The following FYB2 variants were observed in gnomAD, a reference collection of about 807,000 sequenced individuals.
FYB2 encodes the protein FYN-binding protein 2.
Under a neutral mutation model 94.1 loss-of-function variants are expected in FYB2, and 103 were observed. The observed-to-expected ratio is 1.09, with a 90% CI of 0.93 to 1.29. The LOEUF is 1.29. Ranked by LOEUF, FYB2 falls within the 50% of genes most tolerant of loss-of-function variation. FYB2 has a pLI of 0.00. For missense variants in FYB2, 896 were observed against 841.5 expected (o/e 1.06, Z -0.80); for synonymous variants, 293 against 287.9 (o/e 1.02, Z -0.18).
intron 1 of FYB2, among the ~76,000 whole-genome samples, chr1:56,803,694 G>T (rs1316459203): frequency 6.6e-6 from 1 of 152,096 alleles, no homozygotes; most frequent in East Asian, 1.9e-4. Flanking sequence ...CCTTGATCTG[G>T]TCCCAAACCG....
At chr1:56,738,701 T>G in intron 13 of FYB2, 48 bp from the exon 14 acceptor site, 3 of 1,581,622 alleles carry the variant, frequency 1.9e-6, no homozygotes, top group African/African-American at 1.4e-5. Flanking sequence ...AAAACCATGT[T>G]TGGAAAGATG....
At chr1:56,782,049 G>A (rs182860565) in intron 4 of FYB2, among the ~76,000 whole-genome samples, 2 of 152,114 alleles carry the variant, frequency 1.3e-5, no homozygotes, top group East Asian at 3.9e-4. Context: ...TAATACATTC[G>A]TACGATGTGT....
intron 9 of FYB2, among the ~76,000 whole-genome samples, chr1:56,749,395 A>T (rs1392683537): frequency 6.6e-6 from 1 of 151,722 alleles, no homozygotes; most frequent in East Asian, 1.9e-4. Context: ...TTTTAAAATC[A>T]TTTTTCCCTA....
At chr1:56,804,187 G>A (rs1646584860) in intron 1 of FYB2, among the ~76,000 whole-genome samples, 1 of 152,170 alleles carries the variant, frequency 6.6e-6, no homozygotes. Context: ...TCAAGTAGAT[G>A]CTTCATCTGC....
chr1:56,789,861 A>G (rs558717757), intron 2 of FYB2, among the ~76,000 whole-genome samples: 4 of 152,308 alleles, frequency 2.6e-5, no homozygotes, highest in African/African-American at 9.6e-5. Flanking sequence ...AGCACTTATG[A>G]CATGCAAATA....
intron 4 of FYB2, among the ~76,000 whole-genome samples, chr1:56,777,606 T>C (rs1044901512): frequency 6.6e-6 from 1 of 152,176 alleles, no homozygotes; most frequent in African/African-American, 2.4e-5. Flanking sequence ...AAGTCCATTC[T>C]ATTCTTCAGC....
chr1:56,822,877 CAGAGTT>C (rs997824471), upstream of FYB2, among the ~76,000 whole-genome samples: 1 of 150,970 alleles, frequency 6.6e-6, no homozygotes, highest in Non-Finnish European at 1.5e-5. Flanking sequence ...GATTGATTGT[CAGAGTT>C]AGGCTGGTGC....
In FYB2 at chr1:56,788,302, G is replaced by A. The variant is rs114286987; in HGVS notation, c.919+671C>T. Among the ~76,000 whole-genome samples, 651 of 152,328 alleles carry A rather than the reference G, an allele frequency of 4.3e-3. 2 individuals carry two copies. Among genetic ancestry groups the A allele is most frequent in the African/African-American group, 0.015 (615 of 41,566 alleles). ...GATGGCCACAGTAAAACAAATGTTA[G>A]CACAGCAGTACATTTTGTCCCAAAG... On this transcript the variant is annotated intron_variant, in intron 3 of 19. Transcript: ENST00000343433.
At chr1:56,812,020 G>A (rs1013709140) in intron 1 of FYB2, among the ~76,000 whole-genome samples, 1 of 152,078 alleles carries the variant, frequency 6.6e-6, no homozygotes, top group Non-Finnish European at 1.5e-5. Context: ...AGGGTAGAGG[G>A]CTCAGAAAGT....
At chr1:56,820,210 G>C (rs959022956), upstream of FYB2, among the ~76,000 whole-genome samples, 1 of 142,652 alleles carries the variant, frequency 7.0e-6, no homozygotes, top group African/African-American at 2.7e-5. Flanking sequence ...CAGGGGGACA[G>C]AGTGAGACTC....
At chr1:56,822,893 C>T (rs6588653), upstream of FYB2, among the ~76,000 whole-genome samples, 35,571 of 150,782 alleles carry the variant, frequency 0.24, 4,373 homozygotes, top group Middle Eastern at 0.29. Context: ...TAGGCTGGTG[C>T]TGCTAGAGTA....
At chr1:56,771,668 T>A (rs1202413012) in intron 4 of FYB2, among the ~76,000 whole-genome samples, 1 of 152,156 alleles carries the variant, frequency 6.6e-6, no homozygotes, top group East Asian at 1.9e-4. Context: ...TTCAGCTGCA[T>A]CACAACTACA....
intron 1 of FYB2, among the ~76,000 whole-genome samples, chr1:56,799,366 T>G (rs1557661776): frequency 6.6e-6 from 1 of 152,184 alleles, no homozygotes; most frequent in Non-Finnish European, 1.5e-5. Flanking sequence ...TCACATTTAC[T>G]TTAGAGATTA....
At chr1:56,769,543 C>A (rs1645705128) in intron 4 of FYB2, among the ~76,000 whole-genome samples, 1 of 151,806 alleles carries the variant, frequency 6.6e-6, no homozygotes, top group Non-Finnish European at 1.5e-5. Context: ...TATTATTTTC[C>A]ATAATAATAA....
Position 56,730,449 on chromosome 1 carries a change from G to A in FYB2, c.1794-3866C>T, listed in dbSNP as rs1569873821. Among the ~76,000 whole-genome samples the A allele has an allele frequency of 3.3e-5, 5 of 151,144 alleles. 1 individual carries two copies. The highest frequency in any genetic ancestry group is 3.3e-4 in the Admixed American group (5 of 15,152). On this transcript the variant is annotated intron_variant, in intron 15 of 19. Transcript: ENST00000343433. ...GAGGGGGAGAGGGAGGGGATGGCAAGTTCAGGTAAATAAAGTCAAAGTGAA... is the reference window on the plus strand; with the variant it reads ...GAGGGGGAGAGGGAGGGGATGGCAAATTCAGGTAAATAAAGTCAAAGTGAA...
intron 5 of FYB2, among the ~76,000 whole-genome samples, chr1:56,764,550 ATT>A (rs3034106): frequency 1.9e-4 from 28 of 147,974 alleles, no homozygotes; most frequent in Middle Eastern, 3.6e-3. Context: ...TAACATTGTC[ATT>A]TTTTTTTTTT....
the FYB2 span, among the ~76,000 whole-genome samples, chr1:56,826,223 C>A: frequency 1.3e-5 from 2 of 148,642 alleles, no homozygotes; most frequent in East Asian, 1.9e-4. Context: ...GGGAGGGGTA[C>A]CCCCTGCCTT....
At chr1:56,740,144 G>A (rs1164717008) in intron 13 of FYB2, among the ~76,000 whole-genome samples, 3 of 151,982 alleles carry the variant, frequency 2.0e-5, no homozygotes, top group Admixed American at 2.0e-4. Context: ...TCTTTCTAGT[G>A]CTAGTGAATT....
At chr1:56,757,754 C>CTTTG (rs1645389112) in intron 6 of FYB2, among the ~76,000 whole-genome samples, 2 of 63,020 alleles carry the variant, frequency 3.2e-5, no homozygotes, top group East Asian at 7.9e-4. Context: ...TTCTTTCTTT[C>CTTTG]TTTTCATTCT....
Sources: gnomAD v4.1 joint callset for allele counts (sites outside exome capture counted in the v4.1 genomes callset) on GRCh38, gnomAD v4.1.1 for gene constraint, MANE v1.5 for transcripts, NCBI Gene and HGNC (gene_info 2026-07-23, HGNC 2026-07-21) for gene names.